The following SPIRE1 variants were observed in gnomAD, a reference collection of about 807,000 sequenced individuals.
SPIRE1 encodes spire type actin nucleation factor 1.
SPIRE1 carries 40 observed loss-of-function variants against 94.1 expected under a neutral mutation model. That is an observed-to-expected ratio of 0.43 (90% CI 0.33 to 0.55). The LOEUF is 0.55. Ranked by LOEUF, SPIRE1 falls within the 20% of genes least tolerant of loss-of-function variation. SPIRE1 has a pLI of 0.06. For synonymous variants in SPIRE1, 376 were observed against 371.7 expected, an observed-to-expected ratio of 1.01 and a Z score of -0.13; for missense variants, 838 against 975.2, an observed-to-expected ratio of 0.86 and a Z score of 1.87.
chr18:12,540,904 CTGTCCTG>C (rs1213850417), intron 3 of SPIRE1, among the ~76,000 whole-genome samples: 1 of 152,218 alleles, frequency 6.6e-6, no homozygotes, highest in Non-Finnish European at 1.5e-5. Flanking sequence ...CCATCCTGCA[CTGTCCTG>C]CCTGGGGTGT....
chr18:12,523,951 T>C (rs935877193), intron 4 of SPIRE1, among the ~76,000 whole-genome samples: 18 of 152,190 alleles, frequency 1.2e-4, no homozygotes, highest in Admixed American at 9.8e-4. Flanking sequence ...AAAGTATGTA[T>C]TTTTTTGATG....
intron 2 of SPIRE1, among the ~76,000 whole-genome samples, chr18:12,593,619 G>A (rs2036591205): frequency 6.6e-6 from 1 of 152,212 alleles, no homozygotes; most frequent in Admixed American, 6.5e-5. Flanking sequence ...GTCCTCTCCT[G>A]AAGGATTTTA....
At chr18:12,479,329 T>C (rs552829518) in intron 10 of SPIRE1, among the ~76,000 whole-genome samples, 1 of 152,036 alleles carries the variant, frequency 6.6e-6, no homozygotes, top group African/African-American at 2.4e-5. Flanking sequence ...TATGCACTAC[T>C]GCATGTGGCT....
chr18:12,541,915 A>G (rs2035025591), intron 3 of SPIRE1, among the ~76,000 whole-genome samples: 1 of 152,026 alleles, frequency 6.6e-6, no homozygotes, highest in African/African-American at 2.4e-5. Context: ...AGTTAACCCA[A>G]TACAATAATA....
chr18:12,599,455 C>T (rs985916244), intron 2 of SPIRE1, among the ~76,000 whole-genome samples: 1 of 152,108 alleles, frequency 6.6e-6, no homozygotes, highest in Non-Finnish European at 1.5e-5. Flanking sequence ...ATAGAGATGG[C>T]ATCTCGCTAT....
intron 10 of SPIRE1, among the ~76,000 whole-genome samples, chr18:12,479,453 C>T (rs556544330): frequency 2.0e-5 from 3 of 152,202 alleles, no homozygotes; most frequent in East Asian, 1.9e-4. Flanking sequence ...GGATTATAGA[C>T]GTGAGCTAAC....
At chr18:12,499,234 G>A (rs1172511693) in intron 6 of SPIRE1, among the ~76,000 whole-genome samples, 1 of 151,784 alleles carries the variant, frequency 6.6e-6, no homozygotes, top group Non-Finnish European at 1.5e-5. Flanking sequence ...ATACCTAGTT[G>A]TCCCAATATC....
At chr18:12,492,671 TTTAA>T (rs1406794758) in intron 8 of SPIRE1, among the ~76,000 whole-genome samples, 5 of 152,202 alleles carry the variant, frequency 3.3e-5, no homozygotes, top group African/African-American at 9.6e-5. Context: ...CATAATCCTA[TTTAA>T]TTCTTACATA....
chr18:12,607,462 C>T (rs2037011642), intron 2 of SPIRE1, among the ~76,000 whole-genome samples: 1 of 152,160 alleles, frequency 6.6e-6, no homozygotes, highest in Non-Finnish European at 1.5e-5. Context: ...CCTTGCCCTT[C>T]AAGTACCCTT....
At chr18:12,489,135 C>G (rs2033143128) in intron 8 of SPIRE1, among the ~76,000 whole-genome samples, 3 of 152,130 alleles carry the variant, frequency 2.0e-5, no homozygotes, top group African/African-American at 7.2e-5. Context: ...TTGCAATGAG[C>G]CAAGATCGCA....
intron 2 of SPIRE1, among the ~76,000 whole-genome samples, chr18:12,634,173 G>C (rs557197846): frequency 1.3e-5 from 2 of 151,906 alleles, no homozygotes; most frequent in Non-Finnish European, 2.9e-5. Flanking sequence ...GCGTGAACCC[G>C]GGAGGCGGAG....
chr18:12,602,143 C>G (rs1445497862), intron 2 of SPIRE1, among the ~76,000 whole-genome samples: 1 of 152,086 alleles, frequency 6.6e-6, no homozygotes, highest in African/African-American at 2.4e-5. Flanking sequence ...CACACATACA[C>G]ATAAAGGGCT....
At chr18:12,580,974 CAT>C (rs1435867220) in intron 2 of SPIRE1, among the ~76,000 whole-genome samples, 2 of 152,178 alleles carry the variant, frequency 1.3e-5, no homozygotes, top group Admixed American at 6.5e-5. Context: ...CTTATTGCCA[CAT>C]GATTCCACTT....
At chr18:12,534,656 T>A in intron 4 of SPIRE1, among the ~76,000 whole-genome samples, 1 of 152,196 alleles carries the variant, frequency 6.6e-6, no homozygotes, top group East Asian at 1.9e-4. Flanking sequence ...GTCTTTGGAC[T>A]TGGACTGAGC....
At chr18:12,519,165 G>A (rs758204140) in intron 4 of SPIRE1, among the ~76,000 whole-genome samples, 11 of 152,100 alleles carry the variant, frequency 7.2e-5, no homozygotes, top group Admixed American at 2.0e-4. Flanking sequence ...AATGTAAAAT[G>A]TTAAACTATA....
intron 1 of SPIRE1, among the ~76,000 whole-genome samples, chr18:12,653,678 T>G (rs937209231): frequency 2.0e-5 from 3 of 152,260 alleles, no homozygotes; most frequent in African/African-American, 7.2e-5. Flanking sequence ...CCGGGCGTGG[T>G]GGCTTACACC....
At chr18:12,473,668 G>T (rs747176949) in intron 10 of SPIRE1, among the ~76,000 whole-genome samples, 2 of 152,166 alleles carry the variant, frequency 1.3e-5, no homozygotes, top group Non-Finnish European at 2.9e-5. Context: ...AGTTGAGTTT[G>T]TAATTGATAA....
chr18:12,544,194 CTTTCTTTTTTTT>C (rs1314770060), intron 3 of SPIRE1, among the ~76,000 whole-genome samples: 6 of 150,942 alleles, frequency 4.0e-5, no homozygotes, highest in Non-Finnish European at 1.5e-5. Context: ...TTTTTTCTTT[CTTTCTTTTTTTT>C]TTTCTTTTTT....
intron 10 of SPIRE1, among the ~76,000 whole-genome samples, chr18:12,476,053 C>T (rs1374164412): frequency 1.3e-5 from 2 of 152,150 alleles, no homozygotes; most frequent in African/African-American, 4.8e-5. Context: ...AGTTGATGAT[C>T]TGAAATTAGC....
Sources: allele counts gnomAD v4.1 joint callset (sites outside exome capture counted in the v4.1 genomes callset), GRCh38; gene constraint gnomAD v4.1.1; transcripts MANE v1.5; gene names NCBI Gene and HGNC (gene_info 2026-07-23, HGNC 2026-07-21).